The following RFTN1 variants were observed in gnomAD, a reference collection of about 807,000 sequenced individuals.
RFTN1 encodes the protein raftlin, lipid raft linker 1, also known as raftlin.
In RFTN1, 26 loss-of-function variants were observed where a neutral mutation model predicts 46.5. That is an observed-to-expected ratio of 0.56 (90% CI 0.41 to 0.78). RFTN1 has a LOEUF of 0.78. RFTN1 is among the 30% of genes least tolerant of loss of function. RFTN1 has a pLI of 0.00. For missense variants in RFTN1, 693 were observed against 718.7 expected (o/e 0.96, Z 0.41); for synonymous variants, 261 against 284.2 (o/e 0.92, Z 0.82).
At chr3:16,389,170 G>C (rs1259869648) in intron 4 of RFTN1, among the ~76,000 whole-genome samples, 2 of 152,196 alleles carry the variant, frequency 1.3e-5, no homozygotes, top group Non-Finnish European at 1.5e-5. Flanking sequence ...AAAATGTTGA[G>C]ATGGTGCCAT....
intron 7 of RFTN1, 68 bp from the exon 8 acceptor site, chr3:16,326,944 C>G (rs1559815745): frequency 8.4e-7 from 1 of 1,195,022 alleles, no homozygotes; most frequent in Non-Finnish European, 1.2e-6. Context: ...TGAGAGGGGA[C>G]TATTCAGTCT....
In RFTN1 at chr3:16,446,118, A is replaced by G. The variant is rs967562081; in HGVS notation, c.146-12081T>C. ...ACTGCAGTAGCACTCTCTCCGTCAA[A>G]GAAAGTCCAATGCAAACTGCTACCT... On this transcript the variant is annotated intron_variant, in intron 2 of 9. Coordinates refer to ENST00000334133, the MANE Select transcript of RFTN1 (RefSeq NM_015150.2). The surrounding 1 kb of genome is among the most constrained non-coding windows in gnomAD (Gnocchi z 4.5). 1.3e-5 allele frequency among the ~76,000 whole-genome samples: 2 copies of G among 152,090 alleles called. No individual in the cohort carries two copies. The highest frequency in any genetic ancestry group is 4.8e-5 in the African/African-American group (2 of 41,396).
At chr3:16,390,992 TGAA>T (rs1483142026) in intron 4 of RFTN1, among the ~76,000 whole-genome samples, 28 of 152,344 alleles carry the variant, frequency 1.8e-4, no homozygotes, top group African/African-American at 6.7e-4. Context: ...TTTTTCTCTC[TGAA>T]GAATCTTTCT....
In RFTN1 at chr3:16,474,106, T is replaced by C. The variant is rs1402762135; in HGVS notation, c.145+19619A>G. Among the ~76,000 whole-genome samples, 1 of 152,210 alleles carries C rather than the reference T, an allele frequency of 6.6e-6. No homozygotes were observed. Among genetic ancestry groups the C allele is most frequent in the Non-Finnish European group, 1.5e-5 (1 of 68,026 alleles). Reference sequence around the variant, plus strand: ...AGGAAATCTTGCACTTACATTTGACTCTTCTTTGCATTTGGTATAAAAATA... The same window carrying C: ...AGGAAATCTTGCACTTACATTTGACCCTTCTTTGCATTTGGTATAAAAATA... On this transcript the variant is annotated intron_variant, in intron 2 of 9. Transcript: ENST00000334133. The surrounding 1 kb of genome is among the most constrained non-coding windows in gnomAD (Gnocchi z 5.5).
At chr3:16,328,311 G>GGCA (rs2069941123) in intron 7 of RFTN1, among the ~76,000 whole-genome samples, 1 of 152,224 alleles carries the variant, frequency 6.6e-6, no homozygotes, top group African/African-American at 2.4e-5. Flanking sequence ...GGCAGCGCGC[G>GGCA]TGACCATGGT....
intron 6 of RFTN1, among the ~76,000 whole-genome samples, chr3:16,363,287 T>C (rs689867): frequency 0.53 from 80,208 of 151,928 alleles, 21,416 homozygotes; most frequent in Middle Eastern, 0.62. Flanking sequence ...ATAAATAGGT[T>C]TATCTTAGAG....
rs1006139696 is a variant in RFTN1, at chr3:16,413,648, G to A, written c.333-4165C>T. Among the ~76,000 whole-genome samples, 1 of 152,088 alleles carries A rather than the reference G, an allele frequency of 6.6e-6. No homozygotes were observed. Among genetic ancestry groups the A allele is most frequent in the Non-Finnish European group, 1.5e-5 (1 of 68,024 alleles). On this transcript the variant is annotated intron_variant, in intron 3 of 9. Coordinates refer to ENST00000334133, the MANE Select transcript of RFTN1 (RefSeq NM_015150.2). This position sits in a 1 kb window ranked among gnomAD's most constrained non-coding sequence, Gnocchi z 4.7. ...AATGCATTTCTGGAGACGTACACAG[G>A]GTTAACTAACAGCAAAAGCCCCCCC...
In RFTN1 at chr3:16,506,836, C is replaced by T. The variant is rs1290990242; in HGVS notation, c.-9+6606G>A. ...CAACAGCAGCTATTCCAATGCCCTG[C>T]CCATAACAGATGCACAATAAATACC... On this transcript the variant is annotated intron_variant, in intron 1 of 9. Transcript: ENST00000334133. This position sits in a 1 kb window ranked among gnomAD's most constrained non-coding sequence, Gnocchi z 4.8. Among the ~76,000 whole-genome samples the T allele has an allele frequency of 1.3e-5, 2 of 152,134 alleles. No homozygotes were observed. The highest frequency in any genetic ancestry group is 2.4e-5 in the African/African-American group (1 of 41,424).
Position 16,358,061 on chromosome 3 carries a change from A to C in RFTN1, c.1031-14T>G. 7.4e-7 allele frequency: 1 copy of C among 1,358,832 alleles called. No individual in the cohort carries two copies. The highest frequency in any genetic ancestry group is 1.0e-6 in the Non-Finnish European group (1 of 961,884). 84.2% of individuals were successfully genotyped at this position (1,358,832 alleles called of 1,614,324 possible). On this transcript the variant is annotated splice_polypyrimidine_tract_variant and intron_variant, in intron 6 of 9. Transcript: ENST00000334133. Reference sequence around the variant, plus strand: ...CATGTAAGGAATCTGTGGAAAAAGAAAAAGGCGGGGGTGGGGGGGGTCTGT... The same window carrying C: ...CATGTAAGGAATCTGTGGAAAAAGACAAAGGCGGGGGTGGGGGGGGTCTGT...
chr3:16,401,242 G>T (rs1490599107), intron 4 of RFTN1, among the ~76,000 whole-genome samples: 1 of 151,506 alleles, frequency 6.6e-6, no homozygotes, highest in African/African-American at 2.4e-5. Context: ...AGGACCATCT[G>T]AGCCTGGGTA....
intron 3 of RFTN1, among the ~76,000 whole-genome samples, chr3:16,420,317 T>C (rs1279066848): frequency 6.6e-6 from 1 of 152,218 alleles, no homozygotes; most frequent in Non-Finnish European, 1.5e-5. Flanking sequence ...TTGACAGATG[T>C]AGAAAGAACT....
chr3:16,339,771 G>T (rs1029072197), intron 7 of RFTN1: 1 of 152,130 alleles, frequency 6.6e-6, no homozygotes, highest in African/African-American at 2.4e-5. Context: ...CTCCACAAAG[G>T]CAAGGAGTTT....
At position 16,382,431 on chromosome 3, in the gene RFTN1, G is replaced by C. The variant is rs1340161280; in HGVS notation, c.442-4329C>G. Among the ~76,000 whole-genome samples, 1 of 152,084 alleles carries C rather than the reference G, an allele frequency of 6.6e-6. No individual in the cohort carries two copies. The highest frequency in any genetic ancestry group is 2.4e-5 in the African/African-American group (1 of 41,384). On this transcript the variant is annotated intron_variant, in intron 4 of 9. Coordinates refer to ENST00000334133, the MANE Select transcript of RFTN1 (RefSeq NM_015150.2). The surrounding 1 kb of genome is among the most constrained non-coding windows in gnomAD (Gnocchi z 4.7). Reference sequence around the variant, plus strand: ...CATTCTTGCATTTATAACCTTTACTGAGCCAGTCTCACATTCATCATGGTG... The same window carrying C: ...CATTCTTGCATTTATAACCTTTACTCAGCCAGTCTCACATTCATCATGGTG...
At chr3:16,488,152 G>C (rs1672347456) in intron 2 of RFTN1, among the ~76,000 whole-genome samples, 1 of 150,382 alleles carries the variant, frequency 6.6e-6, no homozygotes, top group Admixed American at 6.6e-5. Flanking sequence ...GCCCAGGCTG[G>C]AGTGCAATGG....
chr3:16,510,174 G>A (rs1221402393), intron 1 of RFTN1, among the ~76,000 whole-genome samples: 2 of 152,192 alleles, frequency 1.3e-5, no homozygotes, highest in Non-Finnish European at 2.9e-5. Flanking sequence ...CATTCTCTGA[G>A]TCTTAACAAA....
rs2076838030 is a variant in RFTN1 at position 16,507,959 on chromosome 3, G to A, written c.-9+5483C>T. Among the ~76,000 whole-genome samples the A allele has an allele frequency of 6.6e-6, 1 of 152,182 alleles. No individual in the cohort carries two copies. The highest frequency in any genetic ancestry group is 2.4e-5 in the African/African-American group (1 of 41,440). On this transcript the variant is annotated intron_variant, in intron 1 of 9. Coordinates refer to ENST00000334133, the MANE Select transcript of RFTN1 (RefSeq NM_015150.2). This position sits in a 1 kb window ranked among gnomAD's most constrained non-coding sequence, Gnocchi z 7.1. ...GGAACAACACGACGGGACATTTCAG[G>A]TGTAAACGCCAGAGAAAGTTGTCAG... is the stretch of plus-strand genomic sequence containing the variant.
rs1235929885 is a variant in RFTN1, at chr3:16,361,298, C to A, written c.1031-3251G>T. Among the ~76,000 whole-genome samples the A allele has an allele frequency of 1.3e-5, 2 of 152,178 alleles. No homozygotes were observed. Among genetic ancestry groups the A allele is most frequent in the Admixed American group, 1.3e-4 (2 of 15,284 alleles). ...TTCCAGCCATTCATTATGACACCTA[C>A]TGGGAATCTATTATGTGCCAAGTAG... On this transcript the variant is annotated intron_variant, in intron 6 of 9. Coordinates refer to ENST00000334133, the MANE Select transcript of RFTN1 (RefSeq NM_015150.2). The surrounding 1 kb of genome is among the most constrained non-coding windows in gnomAD (Gnocchi z 4.3).
chr3:16,363,881 T>A (rs567966011), intron 6 of RFTN1, among the ~76,000 whole-genome samples: 1 of 151,564 alleles, frequency 6.6e-6, no homozygotes, highest in Non-Finnish European at 1.5e-5. Flanking sequence ...GGATTAGCAA[T>A]CGCCAACTGC....
intron 2 of RFTN1, among the ~76,000 whole-genome samples, chr3:16,477,658 A>T (rs570962642): frequency 5.3e-4 from 81 of 152,310 alleles, no homozygotes; most frequent in African/African-American, 1.5e-3. Context: ...GGAAAAAACA[A>T]TTTTCCTATT....
Sources: gnomAD v4.1 joint callset for allele counts (sites outside exome capture counted in the v4.1 genomes callset) on GRCh38, gnomAD v4.1.1 for gene constraint, Gnocchi (gnomAD v3.1) non-coding constraint, MANE v1.5 for transcripts, NCBI Gene and HGNC (gene_info 2026-07-23, HGNC 2026-07-21) for gene names.